The following ZNF730 variants were observed in gnomAD, a reference collection of about 807,000 sequenced individuals.
ZNF730 encodes putative zinc finger protein 730.
In ZNF730, 12 loss-of-function variants were observed where a neutral mutation model predicts 12.6. The ratio of observed to expected loss-of-function variants is 0.95; its 90% CI spans 0.61 to 1.54. The LOEUF (loss-of-function observed/expected upper bound fraction) is 1.54, where lower values mean the gene tolerates loss of function less well. ZNF730 is among the 40% of genes most tolerant of loss of function. The probability of loss-of-function intolerance (pLI) is 0.00; values close to 1 mark genes in which losing one functional copy is unlikely to be tolerated. For synonymous variants in ZNF730, 194 were observed against 195.8 expected, an observed-to-expected ratio of 0.99 and a Z score of 0.08; for missense variants, 643 against 583.5, an observed-to-expected ratio of 1.10 and a Z score of -1.05.
At chr19:23,129,173 A>G (rs1206438025) in intron 1 of ZNF730, among the ~76,000 whole-genome samples, 1 of 152,166 alleles carries the variant, frequency 6.6e-6, no homozygotes, top group East Asian at 1.9e-4. Flanking sequence ...GTACAGAAAA[A>G]AATGTTGGGT....
At chr19:23,105,938 T>C (rs1970387761) in intron 1 of ZNF730, among the ~76,000 whole-genome samples, 1 of 152,104 alleles carries the variant, frequency 6.6e-6, no homozygotes, top group African/African-American at 2.4e-5. Context: ...GGAAGTAAGA[T>C]CCAAAAGGCT....
chr19:23,139,990 C>T (rs1970890674), intron 3 of ZNF730, among the ~76,000 whole-genome samples: 1 of 152,042 alleles, frequency 6.6e-6, no homozygotes, highest in South Asian at 2.1e-4. Context: ...CGGTTTGCAA[C>T]TCTGTTTGTA....
intron 1 of ZNF730, among the ~76,000 whole-genome samples, chr19:23,119,665 A>C (rs1970574660): frequency 6.6e-6 from 1 of 152,066 alleles, no homozygotes; most frequent in Non-Finnish European, 1.5e-5. Context: ...AAAAATACAA[A>C]AAGTAGCTGG....
upstream of ZNF730, among the ~76,000 whole-genome samples, chr19:23,112,977 C>T (rs577871444): frequency 2.0e-5 from 3 of 152,212 alleles, no homozygotes; most frequent in South Asian, 6.2e-4. Context: ...GAAATGTATC[C>T]CCTATCATAG....
At chr19:23,141,222 G>A (rs756091297) in intron 3 of ZNF730, among the ~76,000 whole-genome samples, 2 of 151,688 alleles carry the variant, frequency 1.3e-5, no homozygotes, top group African/African-American at 4.8e-5. Context: ...GTGAAACCCC[G>A]TCTATACTAA....
At position 23,128,263 on chromosome 19, in the gene ZNF730, A is replaced by G. The variant is rs900638510; in HGVS notation, c.4-5817A>G. ...TAATGCAGCAGTACACCAGAAGTACATCATAGGCCAGAATGTTGCAGATTA... is the reference window on the plus strand; with the variant it reads ...TAATGCAGCAGTACACCAGAAGTACGTCATAGGCCAGAATGTTGCAGATTA... On this transcript the variant is annotated intron_variant, in intron 1 of 3. Coordinates refer to ENST00000597761, the MANE Select transcript of ZNF730 (RefSeq NM_001277403.2). 3.0e-5 allele frequency: 21 copies of G among 704,116 alleles called. No homozygotes were observed. In the African/African-American group the frequency reaches 3.7e-4, roughly 12 times the overall value. The allele number at this position is 704,116 out of a possible 1,614,324, so 43.6% of individuals were successfully genotyped here.
intron 2 of ZNF730, 104 bp downstream of exon 2, chr19:23,134,310 TTC>T: frequency 9.1e-7 from 1 of 1,099,070 alleles, no homozygotes; most frequent in Admixed American, 2.9e-5. Context: ...CTTTTTCTTT[TTC>T]TTTTTTTTTT....
intron 2 of ZNF730, 89 bp from the exon 3 acceptor site, chr19:23,135,859 A>C: frequency 2.4e-6 from 3 of 1,257,412 alleles, no homozygotes; most frequent in South Asian, 2.7e-5. Context: ...ATTTACTAGA[A>C]TATTCCATTA....
chr19:23,136,675 C>A (rs1449441319), intron 3 of ZNF730, among the ~76,000 whole-genome samples: 1 of 149,894 alleles, frequency 6.7e-6, no homozygotes, highest in African/African-American at 2.4e-5. Flanking sequence ...ATATTCCATG[C>A]CGTTTTATTA....
At chr19:23,130,697 A>T (rs1199534398) in intron 1 of ZNF730, among the ~76,000 whole-genome samples, 1 of 151,472 alleles carries the variant, frequency 6.6e-6, no homozygotes, top group Non-Finnish European at 1.5e-5. Flanking sequence ...GCTTATTAGT[A>T]TATGATATAA....
In ZNF730 at chr19:23,145,664, G is replaced by C. The variant is rs1162143555; in HGVS notation, c.620G>C (p.Gly207Ala). 3.9e-6 allele frequency: 6 copies of C among 1,556,630 alleles called. No homozygotes were observed. The East Asian group carries it at 1.4e-4, about 37-fold the overall frequency. Residue 207 changes from glycine to alanine, a missense_variant, in exon 4 of 4, where the codon GGC (glycine) becomes GCC (alanine). Physicochemically the swap from Gly to Ala is moderately conservative, Grantham distance 60. Transcript: ENST00000597761. ...AAATCCTACAAATGTGAAGAATATG[G>C]CAAAGCCTTTAATGAGTCCTCAAAC... is the stretch of plus-strand genomic sequence containing the variant. The part of the protein sequence containing the change: ...GEKSYKCEEY[G>A]KAFNESSNCT...
rs1186793389 is a variant in ZNF730 at position 23,138,155 on chromosome 19, C to T, written c.226+2112C>T. ...AAAATTAGCCGGGCGTGGTGGCGGG[C>T]GCCTGTAGTCCCAGCTACTTGGGAG... On this transcript the variant is annotated intron_variant, in intron 3 of 3. Transcript: ENST00000597761. Among the ~76,000 whole-genome samples the T allele has an allele frequency of 8.3e-4, 51 of 61,492 alleles. 15 individuals carry two copies. Among genetic ancestry groups the T allele is most frequent in the African/African-American group, 2.2e-3 (51 of 23,068 alleles). The allele number at this position is 61,492 out of a possible 152,430, so 40.3% of individuals were successfully genotyped here. A position where few individuals can be genotyped will look rare whatever the true frequency, so the allele number is the denominator to read the frequency against.
In ZNF730 at chr19:23,145,609, G is replaced by C; in HGVS notation, c.565G>C (p.Ala189Pro). Residue 189 changes from alanine (A) to proline (P), a missense_variant, in exon 4 of 4, where the codon GCT becomes CCT. Transcript: ENST00000597761. ...GKLFCILSHLAQHKKIHTGEK... is the reference protein window; with the variant it reads ...GKLFCILSHLPQHKKIHTGEK... ...ATTATTTTGCATTCTTTCACACTTA[G>C]CTCAACATAAAAAAATTCATACTGG... 1.9e-6 allele frequency: 3 copies of C among 1,545,894 alleles called. No individual in the cohort carries two copies. Among genetic ancestry groups the C allele is most frequent in the Non-Finnish European group, 2.6e-6 (3 of 1,147,356 alleles).
chr19:23,095,474 C>T (rs1454756319), intron 1 of ZNF730: 3 of 398,556 alleles, frequency 7.5e-6, no homozygotes, highest in African/African-American at 2.1e-5. Flanking sequence ...CTGGCCCCTT[C>T]TCACAGAAGA....
chr19:23,134,291 G>C (rs1970789795), intron 2 of ZNF730, 85 bp downstream of exon 2: 1 of 1,237,018 alleles, frequency 8.1e-7, no homozygotes, highest in African/African-American at 1.6e-5. Context: ...TCAGATCCCG[G>C]GTTTTTTTCT....
chr19:23,086,683 T>C (rs1970068570), intron 1 of ZNF730, among the ~76,000 whole-genome samples: 1 of 152,212 alleles, frequency 6.6e-6, no homozygotes, highest in African/African-American at 2.4e-5. Context: ...TTTTAGTTTC[T>C]GGAGCCCTGT....
In ZNF730 at chr19:23,145,316, T is replaced by G. The variant is rs769795299; in HGVS notation, c.272T>G (p.Ile91Arg). Residue 91 changes from isoleucine (I) to arginine (R), a missense_variant, in exon 4 of 4, where the codon ATA becomes AGA. Transcript: ENST00000597761. ...CAAGACCTTTGGCCAGAGCAAGGCA[T>G]AAAAGATTATTTCCAAGAAGTCATA... ...IAQDLWPEQG[I>R]KDYFQEVILR... 1 of 1,586,762 alleles carries G rather than the reference T, an allele frequency of 6.3e-7. No individual in the cohort carries two copies. Among genetic ancestry groups the G allele is most frequent in the Non-Finnish European group, 8.6e-7 (1 of 1,169,328 alleles).
chr19:23,136,067 A>G (rs774048720), intron 3 of ZNF730, 24 bp downstream of exon 3: 1 of 1,508,214 alleles, frequency 6.6e-7, no homozygotes, highest in Non-Finnish European at 8.9e-7. Flanking sequence ...AATACAATAC[A>G]CAAAACTGAT....
upstream of ZNF730, among the ~76,000 whole-genome samples, chr19:23,115,364 A>G (rs1970506287): frequency 6.6e-6 from 1 of 152,176 alleles, no homozygotes; most frequent in African/African-American, 2.4e-5. Context: ...GCAGAATGAT[A>G]CTAATTGCAG....
Sources: gnomAD v4.1 joint callset for allele counts (sites outside exome capture counted in the v4.1 genomes callset) on GRCh38, gnomAD v4.1.1 for gene constraint, MANE v1.5 for transcripts, NCBI Gene and HGNC (gene_info 2026-07-23, HGNC 2026-07-21) for gene names.